Variants in PXDNL observed in about 807,000 individuals in gnomAD.
The protein encoded by PXDNL is peroxidasin like, also known as probable oxidoreductase PXDNL.
PXDNL carries 145 observed loss-of-function variants against 150.8 expected under a neutral mutation model. The observed-to-expected ratio is 0.96, with a 90% CI of 0.84 to 1.10. The LOEUF (loss-of-function observed/expected upper bound fraction) is 1.10, where lower values mean the gene tolerates loss of function less well. PXDNL is among the 50% of genes least tolerant of loss of function. The pLI is 0.00. For synonymous variants in PXDNL, 757 were observed against 725.7 expected (o/e 1.04, Z -0.69); for missense variants, 2,087 against 1,873.9 (o/e 1.11, Z -2.10).
At chr8:51,405,292 G>T (rs866411588) in intron 17 of PXDNL, among the ~76,000 whole-genome samples, 1 of 152,212 alleles carries the variant, frequency 6.6e-6, no homozygotes, top group South Asian at 2.1e-4. Context: ...CCGAGGAGGT[G>T]CCCAGAGCGA....
chr8:51,676,133 T>C (rs760139939), intron 1 of PXDNL, among the ~76,000 whole-genome samples: 10 of 152,192 alleles, frequency 6.6e-5, no homozygotes, highest in Non-Finnish European at 1.2e-4. Flanking sequence ...TTACTTAGAT[T>C]GTTGTTGACT....
At chr8:51,629,654 C>T (rs1335257427) in intron 2 of PXDNL, among the ~76,000 whole-genome samples, 2 of 151,972 alleles carry the variant, frequency 1.3e-5, no homozygotes, top group East Asian at 1.9e-4. Flanking sequence ...AAAACAAGAG[C>T]ATGTTTAAAG....
chr8:51,600,238 G>T (rs1429670692), intron 2 of PXDNL, among the ~76,000 whole-genome samples: 2 of 135,388 alleles, frequency 1.5e-5, no homozygotes, highest in African/African-American at 2.8e-5. Flanking sequence ...ATATCGTTTA[G>T]ATAATAAATT....
At chr8:51,618,873 C>T (rs1343281521) in intron 2 of PXDNL, among the ~76,000 whole-genome samples, 6 of 152,158 alleles carry the variant, frequency 3.9e-5, no homozygotes, top group Non-Finnish European at 8.8e-5. Flanking sequence ...GTCGGTGGTT[C>T]TTATTAAAAG....
chr8:51,501,022 G>C (rs1339572096), intron 4 of PXDNL, among the ~76,000 whole-genome samples: 1 of 152,124 alleles, frequency 6.6e-6, no homozygotes, highest in Non-Finnish European at 1.5e-5. Flanking sequence ...AATCACAAGA[G>C]AATGAAAACC....
chr8:51,670,653 T>A (rs1815480515), intron 1 of PXDNL, among the ~76,000 whole-genome samples: 1 of 152,192 alleles, frequency 6.6e-6, no homozygotes, highest in South Asian at 2.1e-4. Context: ...GTATCTCCAA[T>A]TTTTTATTTA....
At chr8:51,570,465 A>T (rs752050076) in intron 3 of PXDNL, among the ~76,000 whole-genome samples, 7 of 151,912 alleles carry the variant, frequency 4.6e-5, no homozygotes, top group Non-Finnish European at 8.8e-5. Context: ...AGAGAATCTA[A>T]CCTGACATTA....
At chr8:51,476,761 G>T (rs1810488407) in intron 6 of PXDNL, among the ~76,000 whole-genome samples, 1 of 152,178 alleles carries the variant, frequency 6.6e-6, no homozygotes, top group African/African-American at 2.4e-5. Context: ...CACACTCTAT[G>T]CAAGGAAGTC....
intron 4 of PXDNL, among the ~76,000 whole-genome samples, chr8:51,550,773 C>T (rs1004913862): frequency 6.6e-6 from 1 of 152,048 alleles, no homozygotes; most frequent in South Asian, 2.1e-4. Context: ...AGGAGGCTCA[C>T]TTTCACCACT....
rs11421988 is a variant in PXDNL at position 51,683,667 on chromosome 8, GT to G, written c.165-28908del. ...ACCAAAGAAGCTCCCCTAAGAGGTG[GT>G]TTTTTCTTGTCTTCTCCTCTAAGCT... On this transcript the variant is annotated intron_variant, in intron 1 of 22. Coordinates refer to ENST00000356297, the MANE Select transcript of PXDNL (RefSeq NM_144651.5). Among the ~76,000 whole-genome samples the G allele has an allele frequency of 2.0e-5, 3 of 152,054 alleles. No homozygotes were observed. In the South Asian group the frequency reaches 6.2e-4, roughly 32 times the overall value.
At chr8:51,358,067 G>A (rs1293805258) in intron 19 of PXDNL, among the ~76,000 whole-genome samples, 1 of 152,188 alleles carries the variant, frequency 6.6e-6, no homozygotes, top group East Asian at 1.9e-4. Flanking sequence ...TAAACATGAT[G>A]TCACACCAAA....
chr8:51,462,578 A>G (rs1810107063), intron 8 of PXDNL, among the ~76,000 whole-genome samples: 1 of 152,206 alleles, frequency 6.6e-6, no homozygotes. Flanking sequence ...CTTTGAATCA[A>G]CCCAGTCAGA....
At chr8:51,373,790 T>C (rs1807209906) in intron 18 of PXDNL, among the ~76,000 whole-genome samples, 1 of 152,196 alleles carries the variant, frequency 6.6e-6, no homozygotes, top group Admixed American at 6.5e-5. Flanking sequence ...TTCCTAGATC[T>C]TACTCAACAC....
At chr8:51,745,621 G>A (rs982481525) in intron 1 of PXDNL, among the ~76,000 whole-genome samples, 6 of 152,140 alleles carry the variant, frequency 3.9e-5, no homozygotes, top group South Asian at 2.1e-4. Flanking sequence ...AGGCCGTGAC[G>A]GTGGAACATT....
chr8:51,354,968 C>A (rs79526308), intron 19 of PXDNL, among the ~76,000 whole-genome samples: 8,801 of 152,058 alleles, frequency 0.058, 722 homozygotes, highest in African/African-American at 0.18. Flanking sequence ...CTTTTTCCTA[C>A]TGTAATGTTC....
At chr8:51,576,968 A>G (rs962926259) in intron 3 of PXDNL, among the ~76,000 whole-genome samples, 62 of 151,978 alleles carry the variant, frequency 4.1e-4, no homozygotes, top group African/African-American at 1.4e-3. Context: ...TAATGTGAAT[A>G]GTGCTATAAC....
chr8:51,410,995 A>C (rs1808623113), intron 16 of PXDNL, among the ~76,000 whole-genome samples: 1 of 152,374 alleles, frequency 6.6e-6, no homozygotes, highest in South Asian at 2.1e-4. Context: ...AGTTCACTTA[A>C]TGTAGGTTCC....
intron 4 of PXDNL, among the ~76,000 whole-genome samples, chr8:51,503,405 T>C (rs959066991): frequency 6.6e-6 from 1 of 152,190 alleles, no homozygotes; most frequent in African/African-American, 2.4e-5. Flanking sequence ...TTTCAAAATT[T>C]TTTTTAAAAC....
chr8:51,688,737 T>C (rs1473268620), intron 1 of PXDNL, among the ~76,000 whole-genome samples: 1 of 152,138 alleles, frequency 6.6e-6, no homozygotes, highest in Non-Finnish European at 1.5e-5. Flanking sequence ...CACTAGCCAA[T>C]CTGAAGACAG....
Sources: gnomAD v4.1 joint callset for allele counts (sites outside exome capture counted in the v4.1 genomes callset) on GRCh38, gnomAD v4.1.1 for gene constraint, MANE v1.5 for transcripts, NCBI Gene and HGNC (gene_info 2026-07-23, HGNC 2026-07-21) for gene names.